The following LAMA5 variants were observed in gnomAD, a reference collection of about 807,000 sequenced individuals.
LAMA5 encodes laminin subunit alpha 5.
Under a neutral mutation model 433.4 loss-of-function variants are expected in LAMA5, and 260 were observed. The observed-to-expected ratio is 0.60, with a 90% CI of 0.54 to 0.66. The LOEUF (loss-of-function observed/expected upper bound fraction) is 0.66. Among genes scored for constraint, LAMA5 ranks in the 30% least tolerant of loss-of-function variants. The probability of loss-of-function intolerance (pLI) is 0.00; values close to 1 mark genes in which losing one functional copy is unlikely to be tolerated. For synonymous variants in LAMA5, 2,620 were observed against 2,226.6 expected, an observed-to-expected ratio of 1.18 and a Z score of -4.97; for missense variants, 5,378 against 5,258.5, an observed-to-expected ratio of 1.02 and a Z score of -0.70.
At chr20:62,352,461 C>T (rs1984500760) in intron 3 of LAMA5, 101 bp from the exon 4 acceptor site, 3 of 850,392 alleles carry the variant, frequency 3.5e-6, no homozygotes, top group Non-Finnish European at 5.6e-6. Flanking sequence ...GCCACTGAGG[C>T]TCCCACAGGC....
chr20:62,330,658 T>G (rs1245285166), intron 30 of LAMA5, 44 bp from the exon 31 acceptor site: 1 of 1,569,066 alleles, frequency 6.4e-7, no homozygotes. Flanking sequence ...TATGAGCCCC[T>G]GCTGCCCCCT....
In LAMA5 at chr20:62,338,239, G is replaced by A. The variant is rs1265744658; in HGVS notation, c.1749C>T (p.Leu583=). 1 of 1,596,680 alleles carries A rather than the reference G, an allele frequency of 6.3e-7. No individual in the cohort carries two copies. Among genetic ancestry groups the A allele is most frequent in the African/African-American group, 1.3e-5 (1 of 74,822 alleles). ...TGGAGAGGCACCACTCACACTGGCA[G>A]AGAGGGAAGTGAAAGTAGCCGGGGG... is the stretch of plus-strand genomic sequence containing the variant. ...RCAPGYFHFP[L]CQLCGCSPAG... is the part of the protein sequence containing the mutation. The change falls in exon 13 of 80, where the codon CTC becomes CTT. Residue 583 remains leucine (L), a synonymous_variant. Transcript: ENST00000252999.
rs762077312 is a variant in LAMA5, at chr20:62,316,754, A to G, written c.7673T>C (p.Leu2558Pro). The change falls in exon 57 of 80, where the codon CTG becomes CCG. Residue 2558 changes from leucine to proline, a missense_variant. Leu to Pro is a moderately conservative substitution (Grantham distance 98). Transcript: ENST00000252999. ...HTWATVVRQGLVDRAQQLLAN... is the reference protein window; with the variant it reads ...HTWATVVRQGPVDRAQQLLAN... The stretch of plus-strand genomic sequence containing the variant: ...CAGGAGCTGCTGGGCTCGGTCCACC[A>G]GGCCCTGCCGCACCACCGTCTGTGG... The G allele has an allele frequency of 3.1e-6, 5 of 1,607,096 alleles. No individual in the cohort carries two copies. In the Admixed American group the frequency reaches 8.4e-5, roughly 27 times the overall value.
At chr20:62,356,983 C>T (rs953671534) in intron 2 of LAMA5, among the ~76,000 whole-genome samples, 6 of 152,298 alleles carry the variant, frequency 3.9e-5, no homozygotes, top group South Asian at 2.1e-4. Flanking sequence ...CTGGGCAGCA[C>T]GGTGAGGACT....
At position 62,318,607 on chromosome 20, in the gene LAMA5, C is replaced by T; in HGVS notation, c.7086G>A (p.Glu2362=). The change falls in exon 53 of 80, where the codon GAG becomes GAA. Residue 2362 remains glutamate, a synonymous_variant. Coordinates refer to ENST00000252999, the MANE Select transcript of LAMA5 (RefSeq NM_005560.6). ...GGGTTTGTGTGGCCAGTGCCTGGTT[C>T]TCCTCCCAGAGGCTGCTCAGCTGCT... is the stretch of plus-strand genomic sequence containing the variant. ...VQEQLSSLWE[E]NQALATQTRD... 1 of 1,610,862 alleles carries T rather than the reference C, an allele frequency of 6.2e-7. No homozygotes were observed. Among genetic ancestry groups the T allele is most frequent in the Non-Finnish European group, 8.5e-7 (1 of 1,179,046 alleles).
At position 62,310,810 on chromosome 20, in the gene LAMA5, T is replaced by C; in HGVS notation, c.10301A>G (p.Lys3434Arg). The C allele has an allele frequency of 1.3e-6, 2 of 1,555,838 alleles. No homozygotes were observed. The highest frequency in any genetic ancestry group is 1.7e-6 in the Non-Finnish European group (2 of 1,150,340). ...GTCCGTCACCAGCAGGATCCGGTTC[T>C]TCTCCCAGCGCACGGAGACCTGGGG... Reference protein sequence around the residue: ...RWHKVSVRWEKNRILLVTDGA... With the variant: ...RWHKVSVRWERNRILLVTDGA... Residue 3434 changes from lysine to arginine, a missense_variant, in exon 75 of 80, where the codon AAG becomes AGG. Transcript: ENST00000252999.
chr20:62,335,774 T>G (rs1266402126), intron 18 of LAMA5, among the ~76,000 whole-genome samples: 1 of 124,874 alleles, frequency 8.0e-6, no homozygotes, highest in Non-Finnish European at 1.6e-5. Flanking sequence ...CAGGGCACAC[T>G]CATGGACTCC....
chr20:62,333,395 A>G lies in LAMA5; in HGVS notation c.3108T>C (p.Ser1036=), dbSNP rs758980130. The change falls in exon 25 of 80, where the codon TCT becomes TCC. Residue 1036 remains serine (S), a synonymous_variant. Coordinates refer to ENST00000252999, the MANE Select transcript of LAMA5 (RefSeq NM_005560.6). Reference sequence around the variant, plus strand: ...CTCACTTGTCGCCAGACTGCTGGGCAGAGGGACGGTATGTGCAGGCCTCAG... The same window carrying G: ...CTCACTTGTCGCCAGACTGCTGGGCGGAGGGACGGTATGTGCAGGCCTCAG... The part of the protein sequence containing the change: ...RVTEACTYRP[S]AQQSGDNCLL... The G allele has an allele frequency of 2.5e-6, 4 of 1,612,594 alleles. No individual in the cohort carries two copies. The African/African-American group carries it at 5.3e-5, about 22-fold the overall frequency.
chr20:62,319,414 C>T (rs2297588), intron 51 of LAMA5, among the ~76,000 whole-genome samples: 39,412 of 151,942 alleles, frequency 0.26, 5,270 homozygotes, highest in Non-Finnish European at 0.3. Context: ...GTGTGCACTA[C>T]GGGATATCTG....
At position 62,314,651 on chromosome 20, in the gene LAMA5, A is replaced by G. The variant is rs777106163; in HGVS notation, c.8271T>C (p.Ala2757=). 6 of 1,612,544 alleles carry G rather than the reference A, an allele frequency of 3.7e-6. No homozygotes were observed. In the South Asian group the frequency reaches 4.4e-5, roughly 12 times the overall value. ...GGTAGAACTTGAGGGCAGTGTAGGC[A>G]GCAAGGTCGGCAAGATCCCGTGGGG... ...LRTPRDLADL[A]AYTALKFYLQ... Residue 2757 remains alanine (A), a synonymous_variant, in exon 61 of 80, where the codon GCT becomes GCC. Transcript: ENST00000252999.
Position 62,326,881 on chromosome 20 carries a change from G to C in LAMA5, c.5198C>G (p.Pro1733Arg). The change falls in exon 39 of 80, where the codon CCG becomes CGG. Residue 1733 changes from proline (P) to arginine (R), a missense_variant. Transcript: ENST00000252999. ...GDVFVPMESR[P>R]DVVLQGNQMS... ...CTCCCTCACCTGCAGCACCACATCC[G>C]GCCTGCTCTCCATGGGGACAAAGAC... The C allele has an allele frequency of 6.2e-7, 1 of 1,611,946 alleles. No homozygotes were observed. Among genetic ancestry groups the C allele is most frequent in the Non-Finnish European group, 8.5e-7 (1 of 1,179,076 alleles).
At chr20:62,361,144 G>A (rs1986089251) in intron 2 of LAMA5, among the ~76,000 whole-genome samples, 1 of 152,180 alleles carries the variant, frequency 6.6e-6, no homozygotes, top group Non-Finnish European at 1.5e-5. Flanking sequence ...GGGGGCCTCT[G>A]CTGCTGTGCC....
intron 45 of LAMA5, among the ~76,000 whole-genome samples, 181 bp from the exon 46 acceptor site, chr20:62,322,939 C>T (rs567284951): frequency 7.9e-5 from 12 of 152,038 alleles, no homozygotes; most frequent in South Asian, 6.2e-4. Flanking sequence ...CCCCTGGGCC[C>T]GAGGGACCTG....
intron 11 of LAMA5, among the ~76,000 whole-genome samples, chr20:62,343,440 G>A (rs549280027): frequency 2.7e-4 from 41 of 151,996 alleles, no homozygotes; most frequent in Non-Finnish European, 4.6e-4. Flanking sequence ...CAAAATAAGG[G>A]GCAAATGACC....
At chr20:62,336,102 T>A (rs1310337081) in intron 18 of LAMA5, among the ~76,000 whole-genome samples, 2 of 94,922 alleles carry the variant, frequency 2.1e-5, no homozygotes, top group Non-Finnish European at 4.1e-5. Context: ...ATACCCCCAA[T>A]ACTCCCTCAG....
At position 62,352,344 on chromosome 20, in the gene LAMA5, A is replaced by G. The variant is rs1984472331; in HGVS notation, c.585T>C (p.Cys195=). The change falls in exon 4 of 80, where the codon TGT becomes TGC. Residue 195 remains cysteine (C), a synonymous_variant. Coordinates refer to ENST00000252999, the MANE Select transcript of LAMA5 (RefSeq NM_005560.6). ...WQFFASSKRD[C]LERFGPQTLE... ...GCGTCTGTGGCCCGAACCGCTCCAG[A>G]CAGTCCCTCTTGGAGGCTGCGGGGA... 1 of 1,598,958 alleles carries G rather than the reference A, an allele frequency of 6.3e-7. No homozygotes were observed. Among genetic ancestry groups the G allele is most frequent in the African/African-American group, 1.3e-5 (1 of 74,880 alleles).
chr20:62,309,237 C>A lies in LAMA5; in HGVS notation c.*99G>T. ...ATCTTCAGAAACAAGATCTGTCACC[C>A]GTAGAGCTTAGAGTCCAAATAGACA... On this transcript the variant is annotated 3_prime_UTR_variant, in exon 80 of 80. Transcript: ENST00000252999. 1 of 1,180,962 alleles carries A rather than the reference C, an allele frequency of 8.5e-7. No homozygotes were observed. The highest frequency in any genetic ancestry group is 2.5e-5 in the East Asian group (1 of 39,540). The allele number at this position is 1,180,962 out of a possible 1,614,324, so 73.2% of individuals were successfully genotyped here.
At chr20:62,321,882 A>G (rs1195565884) in intron 48 of LAMA5, 137 bp downstream of exon 48, 1 of 833,812 alleles carries the variant, frequency 1.2e-6, no homozygotes, top group Non-Finnish European at 2.0e-6. Context: ...GGAGTTGGAC[A>G]GGCATGGGTC....
Position 62,334,323 on chromosome 20 carries a change from G to A in LAMA5, c.2602C>T (p.Leu868Phe). ...TCSEPARDHYLPDLHHLRLEL... is the reference protein window; with the variant it reads ...TCSEPARDHYFPDLHHLRLEL... ...AGGCGCAGGTGGTGCAGGTCCGGGA[G>A]GTAGTGGTCCCTCGCAGGCCTGGCC... The change falls in exon 22 of 80, where the codon CTC becomes TTC. Residue 868 changes from leucine (L) to phenylalanine (F), a missense_variant. Coordinates refer to ENST00000252999, the MANE Select transcript of LAMA5 (RefSeq NM_005560.6). 6.2e-7 allele frequency: 1 copy of A among 1,607,560 alleles called. No individual in the cohort carries two copies. Among genetic ancestry groups the A allele is most frequent in the Non-Finnish European group, 8.5e-7 (1 of 1,177,654 alleles).
Sources: gnomAD v4.1 joint callset for allele counts (sites outside exome capture counted in the v4.1 genomes callset) on GRCh38, gnomAD v4.1.1 for gene constraint, MANE v1.5 for transcripts, NCBI Gene and HGNC (gene_info 2026-07-23, HGNC 2026-07-21) for gene names.